Variants in TBC1D16 observed in about 807,000 individuals in gnomAD.
TBC1D16 encodes the protein TBC1 domain family member 16, also known as CTD-2529O21.1.
Under a neutral mutation model 74.7 loss-of-function variants are expected in TBC1D16, and 58 were observed. That is an observed-to-expected ratio of 0.78 (90% confidence interval 0.63 to 0.97). The LOEUF is 0.97. Ranked by LOEUF, TBC1D16 falls within the 50% of genes least tolerant of loss-of-function variation. TBC1D16 has a pLI of 0.00. For missense variants in TBC1D16, 1,014 were observed against 1,079.5 expected (o/e 0.94, Z 0.85); for synonymous variants, 493 against 474.7 (o/e 1.04, Z -0.50).
At chr17:79,969,107 C>T (rs1054026339) in intron 3 of TBC1D16, among the ~76,000 whole-genome samples, 4 of 152,178 alleles carry the variant, frequency 2.6e-5, no homozygotes, top group Non-Finnish European at 5.9e-5. Flanking sequence ...CAAATCAAGG[C>T]CGAGCGTGGT....
chr17:79,952,565 C>T, intron 4 of TBC1D16, 92 bp downstream of exon 4: 1 of 1,468,916 alleles, frequency 6.8e-7, no homozygotes, highest in Non-Finnish European at 9.1e-7. Context: ...CCTGTGTCCC[C>T]AAGCCGTGCA....
rs781584187 is a variant in TBC1D16 at position 79,985,979 on chromosome 17, ACT to A, written c.779+24179_779+24180del. Among the ~76,000 whole-genome samples, 5 of 151,868 alleles carry A rather than the reference ACT, an allele frequency of 3.3e-5. 1 individual carries two copies. The highest frequency in any genetic ancestry group is 7.4e-5 in the Non-Finnish European group (5 of 67,918). On this transcript the variant is annotated intron_variant, in intron 3 of 11. Coordinates refer to ENST00000310924, the MANE Select transcript of TBC1D16 (RefSeq NM_019020.4). The surrounding 1 kb of genome is among the most constrained non-coding windows in gnomAD (Gnocchi z 4.9). ...ATGAAAAACCATTTTTCCCAACGAA[ACT>A]CTTCTGCCAGGCGGCATAAGGGGCG... is the stretch of plus-strand genomic sequence containing the variant.
chr17:79,960,068 A>C lies in TBC1D16; in HGVS notation c.780-7250T>G, dbSNP rs569138673. Among the ~76,000 whole-genome samples, 18 of 152,310 alleles carry C rather than the reference A, an allele frequency of 1.2e-4. No individual in the cohort carries two copies. In the South Asian group the frequency reaches 3.5e-3, roughly 30 times the overall value. On this transcript the variant is annotated intron_variant, in intron 3 of 11. Transcript: ENST00000310924. ...ACCAACATATGACCATAAGTGAAAA[A>C]AAAAATTAATCTTCATTAAAATGAA...
chr17:79,941,005 T>C lies in TBC1D16; in HGVS notation c.2158A>G (p.Met720Val), dbSNP rs763943378. Residue 720 changes from methionine to valine, a missense_variant, in exon 12 of 12, where the codon ATG (methionine) becomes GTG (valine). By Grantham distance (21) the Met-to-Val change is conservative. Transcript: ENST00000310924. The surrounding 1 kb of genome is among the most constrained non-coding windows in gnomAD (Gnocchi z 4.3). The stretch of plus-strand genomic sequence containing the variant: ...TGGCCGGTGCACTCCACCGCGGGCA[T>C]GGAGCCGCTGTCCCACATGCCTGAC... ...CGSGMWDSGS[M>V]PAVECTGHHP... 8 of 1,608,160 alleles carry C rather than the reference T, an allele frequency of 5.0e-6. No individual in the cohort carries two copies. The highest frequency in any genetic ancestry group is 6.8e-6 in the Non-Finnish European group (8 of 1,178,202).
chr17:79,995,895 C>A (rs2035257415), intron 3 of TBC1D16, among the ~76,000 whole-genome samples: 1 of 152,160 alleles, frequency 6.6e-6, no homozygotes, highest in Admixed American at 6.5e-5. Flanking sequence ...ACCTGGACTT[C>A]ATCAACATTA....
chr17:80,025,727 C>T (rs2036562440), intron 1 of TBC1D16: 1 of 148,596 alleles, frequency 6.7e-6, no homozygotes. Flanking sequence ...TTCTGGTCCA[C>T]TTCTGTCCCT....
intron 1 of TBC1D16, among the ~76,000 whole-genome samples, chr17:80,027,949 A>AC (rs1408132278): frequency 2.7e-5 from 4 of 149,832 alleles, no homozygotes; most frequent in Non-Finnish European, 4.4e-5. Flanking sequence ...GACAATAAGA[A>AC]CCCCCCATTC....
intron 3 of TBC1D16, among the ~76,000 whole-genome samples, chr17:79,970,939 G>A (rs2144093033): frequency 6.7e-6 from 1 of 149,658 alleles, no homozygotes; most frequent in African/African-American, 2.5e-5. Flanking sequence ...TTGCATTGTT[G>A]AGTTTTACGT....
chr17:79,972,862 G>T (rs921701858), intron 3 of TBC1D16, among the ~76,000 whole-genome samples: 1 of 151,802 alleles, frequency 6.6e-6, no homozygotes, highest in African/African-American at 2.4e-5. Flanking sequence ...GGAGTGGATC[G>T]CCTGAGCTTA....
At position 79,944,514 on chromosome 17, in the gene TBC1D16, CGGGT is replaced by C. The variant is rs1447045031; in HGVS notation, c.1908+390_1908+393del. On this transcript the variant is annotated intron_variant, in intron 10 of 11. Transcript: ENST00000310924. This position sits in a 1 kb window ranked among gnomAD's most constrained non-coding sequence, Gnocchi z 7.7. ...GCCCTTTCTCTGCACAGCAGGGTAA[CGGGT>C]GAGTCGGCCCTCGTGGCAGGGCGGT... 2.0e-5 allele frequency among the ~76,000 whole-genome samples: 3 copies of C among 152,126 alleles called. No homozygotes were observed. The highest frequency in any genetic ancestry group is 1.5e-5 in the Non-Finnish European group (1 of 68,024).
rs2031889362 is a variant in TBC1D16 at position 79,940,634 on chromosome 17, C to T, written c.*225G>A. The T allele has an allele frequency of 6.5e-6, 3 of 464,432 alleles. No homozygotes were observed. The South Asian group carries it at 2.3e-4, about 36-fold the overall frequency. 28.8% of individuals were successfully genotyped at this position (464,432 alleles called of 1,614,324 possible). A position where few individuals can be genotyped will look rare whatever the true frequency, so the allele number is the denominator to read the frequency against. On this transcript the variant is annotated 3_prime_UTR_variant, in exon 12 of 12. Transcript: ENST00000310924. This position sits in a 1 kb window ranked among gnomAD's most constrained non-coding sequence, Gnocchi z 5.4. ...GCGGTGGCTGCGCGTTCCACTGCAG[C>T]GTTTCAGGAGCTGACTTTCCTCTGG...
chr17:80,013,805 C>T (rs1370892099), intron 1 of TBC1D16, among the ~76,000 whole-genome samples, 196 bp from the exon 2 acceptor site: 10 of 152,090 alleles, frequency 6.6e-5, no homozygotes, highest in African/African-American at 2.2e-4. Flanking sequence ...GGCTGAGCAG[C>T]GTCCCTCGCC....
At chr17:79,946,815 CCA>C (rs950131689) in intron 9 of TBC1D16, among the ~76,000 whole-genome samples, 5 of 152,232 alleles carry the variant, frequency 3.3e-5, no homozygotes, top group Non-Finnish European at 7.3e-5. Flanking sequence ...GGGCCAGACC[CCA>C]CACACCCTGG....
rs2033053302 is a variant in TBC1D16, at chr17:79,951,608, A to G, written c.942-11T>C. The G allele has an allele frequency of 1.9e-6, 3 of 1,611,724 alleles. No homozygotes were observed. The highest frequency in any genetic ancestry group is 1.7e-5 in the Admixed American group (1 of 59,762). On this transcript the variant is annotated splice_polypyrimidine_tract_variant and intron_variant, in intron 4 of 11. Transcript: ENST00000310924. Reference sequence around the variant, plus strand: ...GTGCAGGCCTCGTCGCTGAAGGGCCATTGGAAGGGGGAGAGGGAAGCCCGA... The same window carrying G: ...GTGCAGGCCTCGTCGCTGAAGGGCCGTTGGAAGGGGGAGAGGGAAGCCCGA...
Position 79,981,718 on chromosome 17 carries a change from G to A in TBC1D16, c.779+28442C>T, listed in dbSNP as rs1320250182. Among the ~76,000 whole-genome samples, 2 of 152,206 alleles carry A rather than the reference G, an allele frequency of 1.3e-5. No homozygotes were observed. The highest frequency in any genetic ancestry group is 3.8e-4 in the East Asian group (2 of 5,196). ...CGGAGGCAAGGGACGCGCCACCCTC[G>A]GAGCGGCTCCCTCGGCTCTTCTGTA... On this transcript the variant is annotated intron_variant, in intron 3 of 11. Coordinates refer to ENST00000310924, the MANE Select transcript of TBC1D16 (RefSeq NM_019020.4). The surrounding 1 kb of genome is among the most constrained non-coding windows in gnomAD (Gnocchi z 6.9).
chr17:79,944,865 C>T lies in TBC1D16; in HGVS notation c.1908+43G>A. 1 of 1,507,674 alleles carries T rather than the reference C, an allele frequency of 6.6e-7. No homozygotes were observed. The highest frequency in any genetic ancestry group is 1.2e-5 in the South Asian group (1 of 80,434). 93.4% of individuals were successfully genotyped at this position (1,507,674 alleles called of 1,614,324 possible). On this transcript the variant is annotated intron_variant, in intron 10 of 11. Coordinates refer to ENST00000310924, the MANE Select transcript of TBC1D16 (RefSeq NM_019020.4). The surrounding 1 kb of genome is among the most constrained non-coding windows in gnomAD (Gnocchi z 7.7). ...CAGGGTGGCCACGGTGGTTCAGGGG[C>T]CATGGTCCCAACCTCCCCAGCCCTG...
At chr17:80,002,383 T>C (rs2035524206) in intron 3 of TBC1D16, among the ~76,000 whole-genome samples, 1 of 152,238 alleles carries the variant, frequency 6.6e-6, no homozygotes. Flanking sequence ...TGCCGTTTAT[T>C]ACTGCCTCGC....
intron 3 of TBC1D16, among the ~76,000 whole-genome samples, chr17:79,984,158 A>G (rs1299107801): frequency 1.3e-5 from 2 of 152,274 alleles, no homozygotes; most frequent in East Asian, 3.9e-4. Flanking sequence ...AGTAGCTGGG[A>G]CCACAGGCAT....
At position 79,961,388 on chromosome 17, in the gene TBC1D16, A is replaced by G. The variant is rs1294480094; in HGVS notation, c.780-8570T>C. ...CATGGAGGAACTGGAACTCTCACGG[A>G]CTGCTGGTGGGAATGCAACACGGCA... On this transcript the variant is annotated intron_variant, in intron 3 of 11. Coordinates refer to ENST00000310924, the MANE Select transcript of TBC1D16 (RefSeq NM_019020.4). The surrounding 1 kb of genome is among the most constrained non-coding windows in gnomAD (Gnocchi z 4.8). Among the ~76,000 whole-genome samples the G allele has an allele frequency of 6.6e-6, 1 of 152,222 alleles. No individual in the cohort carries two copies. Among genetic ancestry groups the G allele is most frequent in the Non-Finnish European group, 1.5e-5 (1 of 68,042 alleles).
Sources: gnomAD v4.1 joint callset for allele counts (sites outside exome capture counted in the v4.1 genomes callset) on GRCh38, gnomAD v4.1.1 for gene constraint, Gnocchi (gnomAD v3.1) non-coding constraint, MANE v1.5 for transcripts, NCBI Gene and HGNC (gene_info 2026-07-23, HGNC 2026-07-21) for gene names.